JARID2: variants seen among roughly 807,000 people sequenced by gnomAD.
The protein encoded by JARID2 is protein Jumonji.
In JARID2, 21 loss-of-function variants were observed where a neutral mutation model predicts 125.6. The observed-to-expected ratio is 0.17, with a 90% CI of 0.12 to 0.24. The LOEUF is 0.24. Among genes scored for constraint, JARID2 ranks in the 10% least tolerant of loss-of-function variants. The probability of loss-of-function intolerance (pLI) is 1.00; values close to 1 mark genes in which losing one functional copy is unlikely to be tolerated. For synonymous variants in JARID2, 736 were observed against 661.6 expected, an observed-to-expected ratio of 1.11 and a Z score of -1.73; for missense variants, 1,303 against 1,639.6, an observed-to-expected ratio of 0.79 and a Z score of 3.55.
At position 15,410,303 on chromosome 6, in the gene JARID2, A is replaced by C; in HGVS notation, c.261A>C (p.Gln87His). ...QSENEKDDASQVSSTSNDVSS... is the reference protein window; with the variant it reads ...QSENEKDDASHVSSTSNDVSS... Reference sequence around the variant, plus strand: ...AGAATGAAAAGGACGATGCATCCCAAGTGTCCTCCACTAGCAACGATGTTA... The same window carrying C: ...AGAATGAAAAGGACGATGCATCCCACGTGTCCTCCACTAGCAACGATGTTA... The change falls in exon 3 of 18, where the codon CAA (glutamine) becomes CAC (histidine). Residue 87 changes from glutamine to histidine, a missense_variant. Coordinates refer to ENST00000341776, the MANE Select transcript of JARID2 (RefSeq NM_004973.4). 6.2e-7 allele frequency: 1 copy of C among 1,614,168 alleles called. No individual in the cohort carries two copies. Among genetic ancestry groups the C allele is most frequent in the South Asian group, 1.1e-5 (1 of 91,088 alleles).
chr6:15,263,194 C>T (rs1033253462), intron 1 of JARID2, among the ~76,000 whole-genome samples: 16 of 151,888 alleles, frequency 1.1e-4, no homozygotes, highest in Non-Finnish European at 2.4e-4. Context: ...CTCATTTCCT[C>T]TACCCCTTTG....
At chr6:15,369,684 C>G (rs76843906) in intron 1 of JARID2, among the ~76,000 whole-genome samples, 1 of 152,150 alleles carries the variant, frequency 6.6e-6, no homozygotes, top group African/African-American at 2.4e-5. Flanking sequence ...ATTATTGGAT[C>G]TAGAGGGTCG....
intron 1 of JARID2, among the ~76,000 whole-genome samples, chr6:15,357,052 TCA>T (rs1433849197): frequency 5.9e-5 from 9 of 152,198 alleles, no homozygotes; most frequent in Admixed American, 5.9e-4. Flanking sequence ...TTTGTTCGTT[TCA>T]CAGTTACTTG....
intron 4 of JARID2, among the ~76,000 whole-genome samples, chr6:15,467,193 C>T (rs1018516638): frequency 3.9e-5 from 6 of 152,186 alleles, no homozygotes; most frequent in African/African-American, 1.2e-4. Context: ...TGATACTGCT[C>T]ATTTTCCATT....
chr6:15,257,013 A>G (rs1309150972), intron 1 of JARID2, among the ~76,000 whole-genome samples: 1 of 152,194 alleles, frequency 6.6e-6, no homozygotes, highest in East Asian at 1.9e-4. Flanking sequence ...TTTATAGTTG[A>G]GAATTCCTGA....
At chr6:15,515,862 C>G (rs955834133) in intron 16 of JARID2, among the ~76,000 whole-genome samples, 1 of 151,726 alleles carries the variant, frequency 6.6e-6, no homozygotes, top group Non-Finnish European at 1.5e-5. Context: ...GGTGAAACAC[C>G]ATCTCTACTA....
At chr6:15,299,290 C>G (rs1761522039) in intron 1 of JARID2, among the ~76,000 whole-genome samples, 1 of 152,138 alleles carries the variant, frequency 6.6e-6, no homozygotes, top group African/African-American at 2.4e-5. Flanking sequence ...ATGAGGGCAT[C>G]AGTAGGTAGC....
chr6:15,517,697 C>T (rs981005056), intron 17 of JARID2, among the ~76,000 whole-genome samples: 1 of 152,150 alleles, frequency 6.6e-6, no homozygotes, highest in Non-Finnish European at 1.5e-5. Flanking sequence ...TGGGGCAGGA[C>T]GGGCCCCATG....
In JARID2 at chr6:15,413,002, G is replaced by GTTTTTTTTTTTTTTTTTTTTTTTT. The variant is rs745910520; in HGVS notation, c.323+2642_323+2643insTTTTTTTTTTTTTTTTTTTTTTTT. Among the ~76,000 whole-genome samples, 17 of 46,560 alleles carry GTTTTTTTTTTTTTTTTTTTTTTTT rather than the reference G, an allele frequency of 3.7e-4. 6 individuals are homozygous for GTTTTTTTTTTTTTTTTTTTTTTTT. Among genetic ancestry groups the GTTTTTTTTTTTTTTTTTTTTTTTT allele is most frequent in the Admixed American group, 5.5e-4 (2 of 3,628 alleles). 30.5% of individuals were successfully genotyped at this position (46,560 alleles called of 152,430 possible). A position where few individuals can be genotyped will look rare whatever the true frequency, so the allele number is the denominator to read the frequency against. Reference sequence around the variant, plus strand: ...AACATTATACATGGGAAGAGCTTGTGTTTTTGTTTTTTTTTTTTTTGTTTT... The same window carrying GTTTTTTTTTTTTTTTTTTTTTTTT: ...AACATTATACATGGGAAGAGCTTGTGTTTTTTTTTTTTTTTTTTTTTTTTTTTTTGTTTTTTTTTTTTTTGTTTT... On this transcript the variant is annotated intron_variant, in intron 3 of 17. Transcript: ENST00000341776.
At chr6:15,376,122 A>C (rs149346983) in intron 2 of JARID2, among the ~76,000 whole-genome samples, 2 of 152,340 alleles carry the variant, frequency 1.3e-5, no homozygotes, top group African/African-American at 4.8e-5. Context: ...AGATGCCCAC[A>C]TTGGGATCAC....
intron 3 of JARID2, among the ~76,000 whole-genome samples, chr6:15,439,031 CAAAAAAAAAA>C (rs754404770): frequency 1.2e-5 from 1 of 85,786 alleles, no homozygotes; most frequent in Non-Finnish European, 2.3e-5. Flanking sequence ...GACTCTGTCT[CAAAAAAAAAA>C]AAAAAAAGGT....
In JARID2 at chr6:15,301,161, A is replaced by C. The variant is rs187852283; in HGVS notation, c.45+54577A>C. Among the ~76,000 whole-genome samples the C allele has an allele frequency of 2.3e-3, 355 of 152,356 alleles. 1 individual carries two copies. The highest frequency in any genetic ancestry group is 7.7e-3 in the African/African-American group (321 of 41,572). On this transcript the variant is annotated intron_variant, in intron 1 of 17. Coordinates refer to ENST00000341776, the MANE Select transcript of JARID2 (RefSeq NM_004973.4). ...CCCAGGTCTTTAAAAATTCCAAAGG[A>C]ACAGCAAGGGCCACATAAAGAGGAA...
intron 1 of JARID2, among the ~76,000 whole-genome samples, chr6:15,305,143 T>A (rs1761773948): frequency 6.6e-6 from 1 of 152,108 alleles, no homozygotes; most frequent in Non-Finnish European, 1.5e-5. Context: ...TTGAGGAAGT[T>A]GTCAAAGGCC....
At chr6:15,303,759 G>A (rs1451156007) in intron 1 of JARID2, among the ~76,000 whole-genome samples, 2 of 152,168 alleles carry the variant, frequency 1.3e-5, no homozygotes, top group African/African-American at 4.8e-5. Context: ...GTTGAACAAG[G>A]AAATAGAAGT....
At chr6:15,343,201 C>T (rs1380227976) in intron 1 of JARID2, among the ~76,000 whole-genome samples, 3 of 131,084 alleles carry the variant, frequency 2.3e-5, no homozygotes, top group Non-Finnish European at 4.6e-5. Flanking sequence ...TGCACTCCAG[C>T]CTGGGCGACA....
chr6:15,517,395 G>A (rs1771615444), intron 17 of JARID2, 127 bp downstream of exon 17: 2 of 682,426 alleles, frequency 2.9e-6, no homozygotes, highest in African/African-American at 1.8e-5. Flanking sequence ...CAGGCCTGAG[G>A]TGCCCTGTTC....
intron 2 of JARID2, among the ~76,000 whole-genome samples, chr6:15,381,481 C>T (rs746444875): frequency 3.5e-4 from 53 of 152,186 alleles, no homozygotes; most frequent in Non-Finnish European, 7.1e-4. Context: ...GTGTCCTGGC[C>T]TCCAGACTTT....
At chr6:15,321,297 A>G (rs1166369826) in intron 1 of JARID2, among the ~76,000 whole-genome samples, 1 of 152,222 alleles carries the variant, frequency 6.6e-6, no homozygotes, top group Non-Finnish European at 1.5e-5. Context: ...AAAAATCATG[A>G]AATTATTAAT....
intron 1 of JARID2, among the ~76,000 whole-genome samples, chr6:15,321,763 T>G (rs534913859): frequency 6.6e-4 from 100 of 151,466 alleles, no homozygotes; most frequent in African/African-American, 2.1e-3. Flanking sequence ...CAATCTAATT[T>G]TATAATTGGA....
Sources: allele counts gnomAD v4.1 joint callset (sites outside exome capture counted in the v4.1 genomes callset), GRCh38; gene constraint gnomAD v4.1.1; transcripts MANE v1.5; gene names NCBI Gene and HGNC (gene_info 2026-07-23, HGNC 2026-07-21).